DOCK3: variants seen among roughly 807,000 people sequenced by gnomAD.
The protein encoded by DOCK3 is dedicator of cytokinesis protein 3.
Under a neutral mutation model 265.6 loss-of-function variants are expected in DOCK3, and 60 were observed. The observed-to-expected ratio is 0.23, with a 90% CI of 0.18 to 0.28. The LOEUF is 0.28. DOCK3 is among the 10% of genes least tolerant of loss of function. DOCK3 has a pLI of 1.00. For missense variants in DOCK3, 1,981 were observed against 2,594.3 expected, an observed-to-expected ratio of 0.76 and a Z score of 5.14; for synonymous variants, 881 against 938.0, an observed-to-expected ratio of 0.94 and a Z score of 1.11.
At chr3:50,916,059 C>G (rs567464890) in intron 4 of DOCK3, among the ~76,000 whole-genome samples, 2 of 152,114 alleles carry the variant, frequency 1.3e-5, no homozygotes, top group East Asian at 3.9e-4. Context: ...GTTCCACTTC[C>G]AAAATGGAGA....
intron 4 of DOCK3, among the ~76,000 whole-genome samples, chr3:50,906,166 A>T (rs532840195): frequency 6.6e-6 from 1 of 152,050 alleles, no homozygotes; most frequent in Non-Finnish European, 1.5e-5. Flanking sequence ...TCGGTTTGCC[A>T]GTATTTTATT....
At chr3:50,869,496 G>A (rs1448062305) in intron 3 of DOCK3, among the ~76,000 whole-genome samples, 3 of 150,048 alleles carry the variant, frequency 2.0e-5, no homozygotes, top group African/African-American at 4.9e-5. Context: ...TCAGCCTCCC[G>A]AGTAGCTGGG....
chr3:51,286,483 G>A (rs2081411533), intron 27 of DOCK3, among the ~76,000 whole-genome samples: 1 of 151,904 alleles, frequency 6.6e-6, no homozygotes, highest in South Asian at 2.1e-4. Flanking sequence ...AATTGATATG[G>A]AATTAAAAAA....
intron 5 of DOCK3, among the ~76,000 whole-genome samples, chr3:50,952,376 CA>C (rs919106850): frequency 1.3e-5 from 2 of 151,780 alleles, no homozygotes; most frequent in African/African-American, 4.8e-5. Flanking sequence ...GTTTTTTCAC[CA>C]AAAGATGAAC....
chr3:50,948,021 A>AATT (rs374547418), intron 5 of DOCK3, among the ~76,000 whole-genome samples: 9 of 120,334 alleles, frequency 7.5e-5, no homozygotes, highest in African/African-American at 1.9e-4. Context: ...ACGCCCAGCT[A>AATT]ATTATTATTA....
chr3:50,690,583 C>A (rs539625071), intron 1 of DOCK3, among the ~76,000 whole-genome samples: 2 of 152,292 alleles, frequency 1.3e-5, no homozygotes, highest in African/African-American at 4.8e-5. Context: ...TCACCCCCAA[C>A]CCCTGGCAAC....
intron 2 of DOCK3, among the ~76,000 whole-genome samples, chr3:50,841,394 A>G (rs2045815807): frequency 6.6e-6 from 1 of 152,178 alleles, no homozygotes; most frequent in Non-Finnish European, 1.5e-5. Flanking sequence ...TTATGTAGGA[A>G]TTTTTGTGCT....
At chr3:50,866,182 A>G (rs988364991) in intron 3 of DOCK3, among the ~76,000 whole-genome samples, 2 of 151,886 alleles carry the variant, frequency 1.3e-5, no homozygotes, top group South Asian at 2.1e-4. Context: ...CTTTTGGGGC[A>G]TTACTTAAGA....
intron 5 of DOCK3, among the ~76,000 whole-genome samples, chr3:51,007,329 G>C (rs1428482077): frequency 6.6e-6 from 1 of 152,212 alleles, no homozygotes; most frequent in Non-Finnish European, 1.5e-5. Flanking sequence ...ACTGGTGTGA[G>C]ATTGTATCTC....
chr3:51,188,439 T>A (rs2087743218), intron 12 of DOCK3, among the ~76,000 whole-genome samples: 1 of 152,192 alleles, frequency 6.6e-6, no homozygotes, highest in Non-Finnish European at 1.5e-5. Context: ...TGCATAGTGG[T>A]CAAGTCAGGG....
chr3:51,299,749 G>C (rs1464147928), intron 27 of DOCK3, among the ~76,000 whole-genome samples: 1 of 151,984 alleles, frequency 6.6e-6, no homozygotes, highest in Non-Finnish European at 1.5e-5. Context: ...TTCTGAGATC[G>C]CTATTCTGTT....
At chr3:51,355,184 G>A (rs2086279241) in intron 41 of DOCK3, among the ~76,000 whole-genome samples, 161 bp downstream of exon 41, 1 of 152,172 alleles carries the variant, frequency 6.6e-6, no homozygotes, top group East Asian at 1.9e-4. Flanking sequence ...ACTTAGCAAG[G>A]CACTAATACC....
intron 1 of DOCK3, among the ~76,000 whole-genome samples, chr3:50,729,891 A>G (rs1157421418): frequency 3.6e-5 from 5 of 140,672 alleles, no homozygotes; most frequent in Non-Finnish European, 6.0e-5. Context: ...GCACAGTGGC[A>G]CAGTGTAACC....
At chr3:51,309,600 G>A (rs1350482798) in intron 27 of DOCK3, among the ~76,000 whole-genome samples, 15 of 132,356 alleles carry the variant, frequency 1.1e-4, no homozygotes, top group African/African-American at 4.2e-4. Context: ...GAGACCGTGG[G>A]GAGAGGGAGA....
intron 5 of DOCK3, among the ~76,000 whole-genome samples, chr3:50,991,828 A>G (rs1326890459): frequency 1.3e-5 from 2 of 152,204 alleles, no homozygotes; most frequent in Non-Finnish European, 2.9e-5. Context: ...TGTACAATCC[A>G]CCACATAATT....
chr3:50,719,857 T>G (rs2037364195), intron 1 of DOCK3: 1 of 704,430 alleles, frequency 1.4e-6, no homozygotes, highest in Middle Eastern at 3.3e-4. Context: ...TTCTTTCCAG[T>G]GCTCAGAGCA....
chr3:50,954,038 C>T (rs1185934665), intron 5 of DOCK3, among the ~76,000 whole-genome samples: 2 of 152,098 alleles, frequency 1.3e-5, no homozygotes, highest in Non-Finnish European at 2.9e-5. Context: ...GCAACCCCCA[C>T]CACCATCCAT....
chr3:51,341,194 A>G (rs754682549), intron 37 of DOCK3, 43 bp from the exon 38 acceptor site: 1 of 1,527,016 alleles, frequency 6.5e-7, no homozygotes, highest in East Asian at 2.3e-5. Flanking sequence ...TGGGCCTCTG[A>G]GCAAGGGAAG....
rs764515984 is a variant in DOCK3, at chr3:51,064,622, C to G, written c.464+26C>G. 2.5e-6 allele frequency: 4 copies of G among 1,608,312 alleles called. No homozygotes were observed. The Admixed American group carries it at 6.7e-5, about 27-fold the overall frequency. On this transcript the variant is annotated intron_variant, in intron 6 of 52. Transcript: ENST00000266037. ...GTAAGTATGAAAATTGTTTGGGTAT[C>G]TCTCAGTTTCATTTATGATAACTCA...
Sources: gnomAD v4.1 joint callset for allele counts (sites outside exome capture counted in the v4.1 genomes callset) on GRCh38, gnomAD v4.1.1 for gene constraint, MANE v1.5 for transcripts, NCBI Gene and HGNC (gene_info 2026-07-23, HGNC 2026-07-21) for gene names.